Variants in CLVS1 observed in about 807,000 individuals in gnomAD.
CLVS1 encodes clavesin-1.
CLVS1 carries 10 observed loss-of-function variants against 33.1 expected under a neutral mutation model. The ratio of observed to expected loss-of-function variants is 0.30; its 90% confidence interval spans 0.19 to 0.51. The LOEUF is 0.51. CLVS1 is among the 20% of genes least tolerant of loss of function. The pLI, the probability that CLVS1 is intolerant of heterozygous loss-of-function variation, is 0.97. For missense variants in CLVS1, 343 were observed against 433.4 expected, an observed-to-expected ratio of 0.79 and a Z score of 1.85; for synonymous variants, 163 against 166.1, an observed-to-expected ratio of 0.98 and a Z score of 0.14.
At chr8:61,421,770 C>T (rs1815678789) in intron 3 of CLVS1, among the ~76,000 whole-genome samples, 1 of 152,138 alleles carries the variant, frequency 6.6e-6, no homozygotes, top group Non-Finnish European at 1.5e-5. Flanking sequence ...CTGTTGCTGC[C>T]TTTTCATGTT....
chr8:61,093,200 T>C (rs891310642), intron 1 of CLVS1, among the ~76,000 whole-genome samples: 4 of 152,136 alleles, frequency 2.6e-5, no homozygotes, highest in African/African-American at 9.7e-5. Flanking sequence ...ACCAATATAA[T>C]GGAAAAAGGA....
chr8:61,323,486 A>G (rs1422623424), intron 2 of CLVS1, among the ~76,000 whole-genome samples: 1 of 152,158 alleles, frequency 6.6e-6, no homozygotes, highest in Non-Finnish European at 1.5e-5. Flanking sequence ...TTCAAGATCT[A>G]TCCTTTGCCC....
intron 2 of CLVS1, among the ~76,000 whole-genome samples, chr8:61,229,086 A>T (rs964153122): frequency 3.3e-5 from 5 of 152,152 alleles, no homozygotes; most frequent in African/African-American, 9.7e-5. Context: ...ATGATTGATG[A>T]TGTTGCGCAC....
intron 2 of CLVS1, among the ~76,000 whole-genome samples, chr8:61,181,821 T>C (rs1018107497): frequency 6.7e-6 from 1 of 149,330 alleles, no homozygotes; most frequent in Non-Finnish European, 1.5e-5. Flanking sequence ...TGCCTCAGCC[T>C]CCCGAGTAGC....
At position 61,066,108 on chromosome 8, in the gene CLVS1, G is replaced by C. The variant is rs142061423; in HGVS notation, c.-243+8878G>C. On this transcript the variant is annotated intron_variant, in intron 1 of 2. Coordinates refer to the CLVS1 transcript ENST00000522621. ...ACAGTGCAGTTGGGAAGGACGTAAG[G>C]GGGTAAAAGTGGAGGGTAACTTTGT... Among the ~76,000 whole-genome samples the C allele has an allele frequency of 5.3e-5, 8 of 152,268 alleles. No homozygotes were observed. In the East Asian group the frequency reaches 1.5e-3, roughly 29 times the overall value.
chr8:61,322,033 A>G (rs997173861), intron 2 of CLVS1, among the ~76,000 whole-genome samples: 1 of 151,976 alleles, frequency 6.6e-6, no homozygotes, highest in Admixed American at 6.6e-5. Flanking sequence ...TCTTTCTTTC[A>G]CCTGTACCCT....
chr8:61,461,173 CA>C (rs1228775402), intron 5 of CLVS1, among the ~76,000 whole-genome samples: 3 of 152,166 alleles, frequency 2.0e-5, no homozygotes, highest in African/African-American at 7.2e-5. Flanking sequence ...GTAAAATTGA[CA>C]TGAATTGATG....
At chr8:61,379,235 C>G in intron 3 of CLVS1, among the ~76,000 whole-genome samples, 1 of 152,160 alleles carries the variant, frequency 6.6e-6, no homozygotes, top group East Asian at 1.9e-4. Context: ...GTGGCCTTGT[C>G]AGGGGAAATA....
At chr8:61,487,820 C>T (rs1021115956) in intron 5 of CLVS1, among the ~76,000 whole-genome samples, 4 of 152,172 alleles carry the variant, frequency 2.6e-5, no homozygotes, top group African/African-American at 9.7e-5. Context: ...TACTTTTTAC[C>T]GGTAACACTA....
the CLVS1 span, among the ~76,000 whole-genome samples, chr8:61,013,176 C>T: frequency 2.5e-4 from 38 of 152,284 alleles, no homozygotes; most frequent in African/African-American, 8.7e-4. Flanking sequence ...CCTGGCCATT[C>T]GGTGGTCCAC....
At chr8:61,160,810 G>A (rs993893619) in intron 2 of CLVS1, among the ~76,000 whole-genome samples, 1 of 152,106 alleles carries the variant, frequency 6.6e-6, no homozygotes, top group East Asian at 1.9e-4. Context: ...TCTTGACTAG[G>A]CCTCAACCTT....
intron 2 of CLVS1, among the ~76,000 whole-genome samples, chr8:61,168,804 A>G (rs1027951456): frequency 5.9e-5 from 9 of 152,358 alleles, no homozygotes; most frequent in African/African-American, 1.7e-4. Flanking sequence ...TAGCCTGCAC[A>G]CCAGGATACT....
chr8:61,490,809 T>A (rs2129608604), intron 5 of CLVS1, among the ~76,000 whole-genome samples: 1 of 151,512 alleles, frequency 6.6e-6, no homozygotes, highest in African/African-American at 2.4e-5. Flanking sequence ...AAATACAAAA[T>A]TAGCTGAGCG....
intron 2 of CLVS1, among the ~76,000 whole-genome samples, chr8:61,195,831 T>G (rs1807594534): frequency 6.6e-6 from 1 of 152,076 alleles, no homozygotes; most frequent in Admixed American, 6.6e-5. Context: ...TAAATGTGAA[T>G]GGCCACAGTA....
At chr8:61,129,427 T>A (rs1006933336) in intron 1 of CLVS1, among the ~76,000 whole-genome samples, 4 of 152,266 alleles carry the variant, frequency 2.6e-5, no homozygotes, top group African/African-American at 9.6e-5. Flanking sequence ...AACCTGCATT[T>A]ACTGCTTCTT....
At chr8:61,418,659 G>A (rs1585944163) in intron 3 of CLVS1, among the ~76,000 whole-genome samples, 1 of 152,140 alleles carries the variant, frequency 6.6e-6, no homozygotes, top group East Asian at 1.9e-4. Context: ...GTTGTTTTGA[G>A]GAGCATATGA....
chr8:61,259,324 A>G (rs1218055000), intron 2 of CLVS1, among the ~76,000 whole-genome samples: 1 of 152,154 alleles, frequency 6.6e-6, no homozygotes, highest in Admixed American at 6.5e-5. Flanking sequence ...TATGACAATT[A>G]TTGCACCATG....
the CLVS1 span, among the ~76,000 whole-genome samples, chr8:61,041,549 G>A: frequency 6.6e-6 from 1 of 151,954 alleles, no homozygotes; most frequent in Non-Finnish European, 1.5e-5. Context: ...TACCTCCTTG[G>A]TTAGCTGTAT....
At chr8:61,384,383 C>G (rs538686709) in intron 3 of CLVS1, among the ~76,000 whole-genome samples, 1 of 152,138 alleles carries the variant, frequency 6.6e-6, no homozygotes, top group South Asian at 2.1e-4. Flanking sequence ...GCAGGAGAAC[C>G]AATTAAAAGT....
Sources: gnomAD v4.1 joint callset for allele counts (sites outside exome capture counted in the v4.1 genomes callset) on GRCh38, gnomAD v4.1.1 for gene constraint, MANE v1.5 for transcripts, NCBI Gene and HGNC (gene_info 2026-07-23, HGNC 2026-07-21) for gene names.